Variants in HIVEP3 observed in about 807,000 individuals in gnomAD.
The protein encoded by HIVEP3 is HIVEP zinc finger 3.
In HIVEP3, 49 loss-of-function variants were observed where a neutral mutation model predicts 152.8. The observed-to-expected ratio is 0.32, with a 90% CI of 0.26 to 0.41. The LOEUF (loss-of-function observed/expected upper bound fraction) is 0.41, where lower values mean the gene tolerates loss of function less well. Ranked by LOEUF, HIVEP3 falls within the 10% of genes least tolerant of loss-of-function variation. The pLI is 1.00. For missense variants in HIVEP3, 2,790 were observed against 3,103.3 expected (o/e 0.90, Z 2.40); for synonymous variants, 1,269 against 1,289.0 (o/e 0.98, Z 0.33).
At chr1:41,538,791 A>AGCCC (rs1343520646) in intron 5 of HIVEP3, among the ~76,000 whole-genome samples, 1 of 28,694 alleles carries the variant, frequency 3.5e-5, no homozygotes. Context: ...GGCAGGCAGG[A>AGCCC]ATGGGTTGAA....
chr1:41,889,130 AC>A (rs1326714997), intron 1 of HIVEP3, among the ~76,000 whole-genome samples: 4 of 141,018 alleles, frequency 2.8e-5, no homozygotes, highest in Non-Finnish European at 4.6e-5. Context: ...CCACACACAC[AC>A]CCCCCACATA....
chr1:41,587,243 A>G (rs921291499), intron 3 of HIVEP3, among the ~76,000 whole-genome samples: 1 of 152,184 alleles, frequency 6.6e-6, no homozygotes, highest in South Asian at 2.1e-4. Context: ...CCCTCTAGTC[A>G]TTGGATATGG....
intron 5 of HIVEP3, among the ~76,000 whole-genome samples, chr1:41,537,592 A>C (rs1292358938): frequency 6.6e-6 from 1 of 152,232 alleles, no homozygotes; most frequent in African/African-American, 2.4e-5. Flanking sequence ...GAAAGAGAGG[A>C]AAGTGCCAGG....
At chr1:41,748,246 A>G (rs1458958984) in intron 1 of HIVEP3, among the ~76,000 whole-genome samples, 1 of 152,098 alleles carries the variant, frequency 6.6e-6, no homozygotes, top group Non-Finnish European at 1.5e-5. Context: ...CTGGGTGAGG[A>G]ACTTGTCCCT....
chr1:41,849,301 A>C (rs971994334), intron 1 of HIVEP3, among the ~76,000 whole-genome samples: 2 of 152,230 alleles, frequency 1.3e-5, no homozygotes, highest in African/African-American at 4.8e-5. Flanking sequence ...ATGCACGCAG[A>C]TATATCTACC....
intron 1 of HIVEP3, among the ~76,000 whole-genome samples, chr1:41,978,059 AC>A (rs1645270267): frequency 6.6e-6 from 1 of 152,174 alleles, no homozygotes; most frequent in Non-Finnish European, 1.5e-5. Flanking sequence ...TTTTATTCCT[AC>A]TTTTTTTTCC....
At chr1:41,911,654 A>C (rs1455390064) in intron 1 of HIVEP3, among the ~76,000 whole-genome samples, 1 of 152,230 alleles carries the variant, frequency 6.6e-6, no homozygotes, top group Non-Finnish European at 1.5e-5. Context: ...AGTGTTCATT[A>C]ATAATAGAAT....
chr1:41,928,568 T>C (rs928539646), intron 1 of HIVEP3, among the ~76,000 whole-genome samples: 9 of 152,236 alleles, frequency 5.9e-5, no homozygotes, highest in African/African-American at 2.2e-4. Context: ...TCCACTGATG[T>C]CCTTTTTCAT....
At chr1:41,815,848 C>A (rs928121072) in intron 1 of HIVEP3, among the ~76,000 whole-genome samples, 1 of 151,814 alleles carries the variant, frequency 6.6e-6, no homozygotes, top group Admixed American at 6.6e-5. Context: ...CGGCCCACTG[C>A]AACCCCTGCC....
chr1:41,666,112 GGT>G (rs1243544119), intron 2 of HIVEP3, among the ~76,000 whole-genome samples: 2 of 143,298 alleles, frequency 1.4e-5, no homozygotes, highest in Admixed American at 7.0e-5. Flanking sequence ...TCCTGTTTGG[GGT>G]GTGTGTGCGT....
intron 1 of HIVEP3, among the ~76,000 whole-genome samples, chr1:41,813,612 T>C (rs1651094907): frequency 6.6e-6 from 1 of 152,168 alleles, no homozygotes; most frequent in Non-Finnish European, 1.5e-5. Context: ...AGAGGACAGA[T>C]CTTCTACGCC....
At chr1:41,666,592 C>G (rs1244420061) in intron 2 of HIVEP3, among the ~76,000 whole-genome samples, 1 of 152,164 alleles carries the variant, frequency 6.6e-6, no homozygotes, top group African/African-American at 2.4e-5. Context: ...AATCCTCCTC[C>G]TCTCATACTG....
chr1:41,565,197 T>C (rs1008286079), intron 5 of HIVEP3, among the ~76,000 whole-genome samples: 4 of 152,214 alleles, frequency 2.6e-5, no homozygotes, highest in Non-Finnish European at 4.4e-5. Context: ...GTGAATTATT[T>C]ATGATACAAC....
chr1:41,797,196 G>A lies in HIVEP3; in HGVS notation c.-800-96201C>T, dbSNP rs564369171. Among the ~76,000 whole-genome samples, 70 of 152,320 alleles carry A rather than the reference G, an allele frequency of 4.6e-4. No individual in the cohort carries two copies. In the South Asian group the frequency reaches 0.013, roughly 28 times the overall value. Reference sequence around the variant, plus strand: ...CCAGGTCCCACACCTGGCTGAACACGTCTCCCAGTCCAGCATGAAGCTAAG... The same window carrying A: ...CCAGGTCCCACACCTGGCTGAACACATCTCCCAGTCCAGCATGAAGCTAAG... On this transcript the variant is annotated intron_variant, in intron 1 of 8. Coordinates refer to ENST00000372583, the MANE Select transcript of HIVEP3 (RefSeq NM_024503.5).
At chr1:42,017,733 A>G (rs1286906122) in intron 1 of HIVEP3, among the ~76,000 whole-genome samples, 1 of 152,200 alleles carries the variant, frequency 6.6e-6, no homozygotes, top group East Asian at 1.9e-4. Flanking sequence ...ACCTTCTTAT[A>G]TATGTCTTCT....
At chr1:41,565,900 C>G (rs1217867964) in intron 5 of HIVEP3, among the ~76,000 whole-genome samples, 1 of 152,232 alleles carries the variant, frequency 6.6e-6, no homozygotes, top group East Asian at 1.9e-4. Context: ...GTCCAGCATA[C>G]TCAGACACTC....
intron 2 of HIVEP3, among the ~76,000 whole-genome samples, chr1:41,652,496 A>G (rs1645566071): frequency 1.3e-5 from 2 of 152,182 alleles, no homozygotes; most frequent in Admixed American, 1.3e-4. Context: ...GGGGCCGAGG[A>G]TCAGGGAAAG....
intron 1 of HIVEP3, among the ~76,000 whole-genome samples, chr1:41,926,449 G>T (rs1258917812): frequency 3.9e-5 from 6 of 152,068 alleles, no homozygotes. Flanking sequence ...TCTTCAAAAG[G>T]CACTTTATTT....
intron 1 of HIVEP3, among the ~76,000 whole-genome samples, chr1:41,878,365 T>C (rs984909777): frequency 1.3e-5 from 2 of 152,210 alleles, no homozygotes; most frequent in Admixed American, 6.5e-5. Flanking sequence ...CAAAAGGATA[T>C]GAGGGTCCTG....
Sources: gnomAD v4.1 joint callset for allele counts (sites outside exome capture counted in the v4.1 genomes callset) on GRCh38, gnomAD v4.1.1 for gene constraint, MANE v1.5 for transcripts, NCBI Gene and HGNC (gene_info 2026-07-23, HGNC 2026-07-21) for gene names.